NEDD4L: variants seen among roughly 807,000 people sequenced by gnomAD.
NEDD4L encodes the protein E3 ubiquitin-protein ligase NEDD4-like.
In NEDD4L, 54 loss-of-function variants were observed where a neutral mutation model predicts 148.9. The observed-to-expected ratio is 0.36, with a 90% CI of 0.29 to 0.45. NEDD4L has a LOEUF of 0.45. Among genes scored for constraint, NEDD4L ranks in the 20% least tolerant of loss-of-function variants. The probability of loss-of-function intolerance (pLI) is 1.00; values close to 1 mark genes in which losing one functional copy is unlikely to be tolerated. For missense variants in NEDD4L, 856 were observed against 1,233.8 expected (o/e 0.69, Z 4.59); for synonymous variants, 433 against 440.7 (o/e 0.98, Z 0.22).
intron 24 of NEDD4L, among the ~76,000 whole-genome samples, chr18:58,378,307 G>A (rs2047844712): frequency 6.6e-6 from 1 of 152,204 alleles, no homozygotes. Context: ...TGGGCCACTG[G>A]CAGAAAGAAT....
At chr18:58,254,033 A>T (rs1319665454) in intron 5 of NEDD4L, among the ~76,000 whole-genome samples, 1 of 151,674 alleles carries the variant, frequency 6.6e-6, no homozygotes, top group Non-Finnish European at 1.5e-5. Flanking sequence ...CAGCGGAGAC[A>T]ATATGTGGCT....
intron 1 of NEDD4L, among the ~76,000 whole-genome samples, chr18:58,098,747 C>T (rs555059570): frequency 5.3e-5 from 8 of 152,204 alleles, no homozygotes; most frequent in African/African-American, 1.7e-4. Context: ...TTCTAGATTC[C>T]CTAAGAGGCA....
At chr18:58,060,703 C>T (rs915194101) in intron 1 of NEDD4L, among the ~76,000 whole-genome samples, 1 of 152,120 alleles carries the variant, frequency 6.6e-6, no homozygotes, top group African/African-American at 2.4e-5. Context: ...TACAGTGGCT[C>T]TAAACTGGGG....
intron 16 of NEDD4L, among the ~76,000 whole-genome samples, chr18:58,349,085 G>A (rs2047594746): frequency 6.6e-6 from 1 of 152,114 alleles, no homozygotes. Flanking sequence ...CACAAGTGCT[G>A]GAGGAGGGTG....
At chr18:58,057,156 C>T (rs2082123385) in intron 1 of NEDD4L, among the ~76,000 whole-genome samples, 2 of 151,960 alleles carry the variant, frequency 1.3e-5, no homozygotes, top group African/African-American at 2.4e-5. Context: ...CCCCTGGCTT[C>T]GTGAAATGCA....
intron 18 of NEDD4L, among the ~76,000 whole-genome samples, chr18:58,354,828 A>T (rs796977510): frequency 6.6e-6 from 1 of 152,200 alleles, no homozygotes; most frequent in Non-Finnish European, 1.5e-5. Context: ...GGGCACAGGG[A>T]TGGGGCCCTG....
At chr18:58,371,973 C>T (rs557346051) in intron 23 of NEDD4L, 5 of 152,330 alleles carry the variant, frequency 3.3e-5, no homozygotes, top group South Asian at 2.1e-4. Context: ...CAGGGACAGG[C>T]GCTTAGGCCT....
chr18:58,192,168 T>C (rs554856551), intron 2 of NEDD4L, among the ~76,000 whole-genome samples: 2 of 152,202 alleles, frequency 1.3e-5, no homozygotes, highest in East Asian at 1.9e-4. Context: ...ATAATAATAA[T>C]TTAAAAAAAC....
chr18:58,278,085 C>G (rs1265059543), intron 5 of NEDD4L, among the ~76,000 whole-genome samples: 1 of 152,062 alleles, frequency 6.6e-6, no homozygotes, highest in East Asian at 1.9e-4. Flanking sequence ...TCCAAGATTC[C>G]TTCTTTTTTA....
chr18:58,144,280 A>T (rs984491707), intron 1 of NEDD4L, among the ~76,000 whole-genome samples: 1 of 152,124 alleles, frequency 6.6e-6, no homozygotes, highest in Non-Finnish European at 1.5e-5. Flanking sequence ...CTGCTCGGCT[A>T]CTGGGGAGGC....
chr18:58,078,015 ATTTT>A (rs56093190), intron 1 of NEDD4L, among the ~76,000 whole-genome samples: 74 of 142,992 alleles, frequency 5.2e-4, no homozygotes, highest in Non-Finnish European at 4.7e-4. Context: ...TGAGAAACGT[ATTTT>A]TTTTTTTTTT....
intron 1 of NEDD4L, among the ~76,000 whole-genome samples, chr18:58,116,192 G>A (rs2085825587): frequency 6.6e-6 from 1 of 152,210 alleles, no homozygotes; most frequent in South Asian, 2.1e-4. Context: ...CTTCCAGACA[G>A]CACGCTCAGA....
chr18:58,363,163 T>A (rs553877227), intron 19 of NEDD4L, among the ~76,000 whole-genome samples: 18 of 152,330 alleles, frequency 1.2e-4, no homozygotes, highest in South Asian at 2.1e-4. Flanking sequence ...GAGTGGTTGT[T>A]TGTTTTGTTT....
chr18:58,246,709 C>G (rs2047303788), intron 3 of NEDD4L, among the ~76,000 whole-genome samples: 1 of 152,150 alleles, frequency 6.6e-6, no homozygotes. Context: ...AGGTGATCCA[C>G]CCGCCTTAGC....
At chr18:58,229,389 C>A (rs1434340291) in intron 2 of NEDD4L, among the ~76,000 whole-genome samples, 1 of 152,040 alleles carries the variant, frequency 6.6e-6, no homozygotes, top group African/African-American at 2.4e-5. Context: ...GCAGATGGCA[C>A]GGTAACAAAG....
chr18:58,130,964 C>T (rs1263958286), intron 1 of NEDD4L, among the ~76,000 whole-genome samples: 3 of 132,400 alleles, frequency 2.3e-5, no homozygotes, highest in African/African-American at 8.7e-5. Context: ...TCTAGCAGAA[C>T]TGTGGTGGTG....
At chr18:58,242,744 G>A (rs1172412286) in intron 2 of NEDD4L, among the ~76,000 whole-genome samples, 1 of 152,114 alleles carries the variant, frequency 6.6e-6, no homozygotes, top group South Asian at 2.1e-4. Context: ...GGGCTCAAGC[G>A]ATCTGCCTGC....
chr18:58,064,247 A>C (rs1197353088), intron 1 of NEDD4L, among the ~76,000 whole-genome samples: 1 of 152,190 alleles, frequency 6.6e-6, no homozygotes, highest in Non-Finnish European at 1.5e-5. Context: ...TACAGGCGTG[A>C]GCCACCGCGC....
chr18:58,363,077 C>A (rs574509126), intron 19 of NEDD4L, among the ~76,000 whole-genome samples: 80 of 152,258 alleles, frequency 5.3e-4, no homozygotes, highest in South Asian at 2.3e-3. Flanking sequence ...ATAGATTGCT[C>A]CTAAGCTATA....
Sources: allele counts gnomAD v4.1 joint callset (sites outside exome capture counted in the v4.1 genomes callset), GRCh38; gene constraint gnomAD v4.1.1; transcripts MANE v1.5; gene names NCBI Gene and HGNC (gene_info 2026-07-23, HGNC 2026-07-21).